RNLS: variants seen among roughly 807,000 people sequenced by gnomAD.
The protein encoded by RNLS is renalase.
In RNLS, 39 loss-of-function variants were observed where a neutral mutation model predicts 39.8. That is an observed-to-expected ratio of 0.98 (90% CI 0.76 to 1.28). The LOEUF is 1.28. RNLS is among the 50% of genes most tolerant of loss of function. The probability of loss-of-function intolerance (pLI) is 0.00; values close to 1 mark genes in which losing one functional copy is unlikely to be tolerated. For missense variants in RNLS, 410 were observed against 413.3 expected (o/e 0.99, Z 0.07); for synonymous variants, 147 against 150.7 (o/e 0.98, Z 0.18).
intron 4 of RNLS, among the ~76,000 whole-genome samples, chr10:88,377,049 C>CTCTT (rs10640631): frequency 0.63 from 95,626 of 151,412 alleles, 30,460 homozygotes; most frequent in African/African-American, 0.71. Flanking sequence ...TGGGAAAATT[C>CTCTT]TCTTTGAAAT....
intron 4 of RNLS, among the ~76,000 whole-genome samples, chr10:88,422,328 G>A (rs1036566647): frequency 6.6e-5 from 10 of 151,952 alleles, no homozygotes; most frequent in Non-Finnish European, 1.2e-4. Context: ...TTCGAAGCCT[G>A]AAAGAAAAAA....
chr10:88,325,891 A>G (rs1846562499), intron 5 of RNLS, among the ~76,000 whole-genome samples: 1 of 151,956 alleles, frequency 6.6e-6, no homozygotes, highest in African/African-American at 2.4e-5. Flanking sequence ...ATAGTGAGTG[A>G]CTTCTCATGA....
At chr10:88,443,432 C>T (rs973185819) in intron 4 of RNLS, among the ~76,000 whole-genome samples, 10 of 152,142 alleles carry the variant, frequency 6.6e-5, no homozygotes, top group South Asian at 2.1e-4. Flanking sequence ...ACTGAGGTAC[C>T]GGGTTCATCT....
chr10:88,379,861 C>T (rs530408609), intron 4 of RNLS, among the ~76,000 whole-genome samples: 1 of 152,278 alleles, frequency 6.6e-6, no homozygotes, highest in East Asian at 1.9e-4. Context: ...GCAGACAGCT[C>T]CAGCTTACAA....
At chr10:88,290,921 GTT>G (rs1843627725) in intron 6 of RNLS, among the ~76,000 whole-genome samples, 1 of 152,178 alleles carries the variant, frequency 6.6e-6, no homozygotes, top group African/African-American at 2.4e-5. Context: ...GGAAAGAAAG[GTT>G]TTCAGACAGC....
intron 4 of RNLS, among the ~76,000 whole-genome samples, chr10:88,551,557 G>C (rs960160636): frequency 2.6e-5 from 4 of 152,158 alleles, no homozygotes; most frequent in African/African-American, 9.7e-5. Context: ...AACTTCTACT[G>C]CTCCTACTTT....
chr10:88,435,927 T>G (rs1187493799), intron 4 of RNLS, among the ~76,000 whole-genome samples: 2 of 152,138 alleles, frequency 1.3e-5, no homozygotes, highest in Non-Finnish European at 2.9e-5. Flanking sequence ...ATTATTATAT[T>G]ATCAGTAAAA....
At chr10:88,438,331 T>C (rs1480984890) in intron 4 of RNLS, among the ~76,000 whole-genome samples, 1 of 152,158 alleles carries the variant, frequency 6.6e-6, no homozygotes, top group Non-Finnish European at 1.5e-5. Flanking sequence ...AGCTGCTGAT[T>C]CAATCAGTTT....
chr10:88,295,837 G>C (rs913328804), intron 6 of RNLS, among the ~76,000 whole-genome samples: 3 of 152,136 alleles, frequency 2.0e-5, no homozygotes, highest in Non-Finnish European at 4.4e-5. Flanking sequence ...GGTCTACATT[G>C]ACTCTATTTA....
chr10:88,324,058 C>T (rs1846381979), intron 5 of RNLS, among the ~76,000 whole-genome samples: 1 of 152,074 alleles, frequency 6.6e-6, no homozygotes, highest in Non-Finnish European at 1.5e-5. Flanking sequence ...GTCAGCATGG[C>T]TATTATTAAA....
chr10:88,307,381 C>G lies in RNLS; in HGVS notation c.876+7085G>C, dbSNP rs535842413. Among the ~76,000 whole-genome samples the G allele has an allele frequency of 1.1e-4, 16 of 152,266 alleles. No individual in the cohort carries two copies. The East Asian group carries it at 3.1e-3, about 29-fold the overall frequency. On this transcript the variant is annotated intron_variant, in intron 6 of 6. Coordinates refer to ENST00000331772, the MANE Select transcript of RNLS (RefSeq NM_001031709.3). Reference sequence around the variant, plus strand: ...ATCCAAATAGGAAGAGGAAGTTGAACTACCCTGTTTGTAGATGGCATGATC... The same window carrying G: ...ATCCAAATAGGAAGAGGAAGTTGAAGTACCCTGTTTGTAGATGGCATGATC...
Position 88,420,602 on chromosome 10 carries a change from C to T in RNLS, c.527-57877G>A, listed in dbSNP as rs182624018. Among the ~76,000 whole-genome samples, 199 of 152,288 alleles carry T rather than the reference C, an allele frequency of 1.3e-3. 2 individuals are homozygous for T. Among genetic ancestry groups the T allele is most frequent in the African/African-American group, 4.4e-3 (184 of 41,576 alleles). On this transcript the variant is annotated intron_variant, in intron 4 of 6. Transcript: ENST00000331772. ...ACATTGCCTTCTTCTCTGCGTATCT[C>T]TTAGGAGGACATTTATTGTATATAG... is the stretch of plus-strand genomic sequence containing the variant.
the RNLS span, among the ~76,000 whole-genome samples, chr10:88,245,088 GC>G: frequency 6.6e-6 from 1 of 152,160 alleles, no homozygotes; most frequent in Non-Finnish European, 1.5e-5. Flanking sequence ...AAAAGGAAAA[GC>G]TTTGCCCATA....
intron 4 of RNLS, among the ~76,000 whole-genome samples, chr10:88,420,097 G>C (rs1564786076): frequency 6.6e-6 from 1 of 151,242 alleles, no homozygotes. Flanking sequence ...TAAGAGCATT[G>C]GATTTAGAGT....
intron 3 of RNLS, 49 bp downstream of exon 3, chr10:88,581,517 GT>G (rs1422214161): frequency 1.6e-5 from 24 of 1,507,416 alleles, no homozygotes; most frequent in Non-Finnish European, 2.1e-5. Flanking sequence ...TGTGTAACTT[GT>G]TTTTAAATGC....
the RNLS span, among the ~76,000 whole-genome samples, chr10:88,186,131 C>A: frequency 4.6e-5 from 7 of 152,152 alleles, no homozygotes; most frequent in Non-Finnish European, 8.8e-5. Context: ...TCAGCAAACA[C>A]AAGGCAGAGA....
intron 4 of RNLS, among the ~76,000 whole-genome samples, chr10:88,426,970 A>C (rs542163309): frequency 6.6e-6 from 1 of 152,142 alleles, no homozygotes; most frequent in South Asian, 2.1e-4. Context: ...TGGTGGTTAG[A>C]ATTACATAAA....
chr10:88,289,197 A>G (rs4934392), intron 6 of RNLS, among the ~76,000 whole-genome samples: 100,221 of 152,028 alleles, frequency 0.66, 33,222 homozygotes, highest in Middle Eastern at 0.71. Context: ...AACCCATGTC[A>G]ATGTGTTTTG....
chr10:88,549,989 C>T (rs1403898734), intron 4 of RNLS, among the ~76,000 whole-genome samples: 1 of 152,166 alleles, frequency 6.6e-6, no homozygotes, highest in Admixed American at 6.5e-5. Context: ...TCTTCCAAGA[C>T]AACACCCACA....
Sources: gnomAD v4.1 joint callset for allele counts (sites outside exome capture counted in the v4.1 genomes callset) on GRCh38, gnomAD v4.1.1 for gene constraint, MANE v1.5 for transcripts, NCBI Gene and HGNC (gene_info 2026-07-23, HGNC 2026-07-21) for gene names.